ECT2L: variants seen among roughly 807,000 people sequenced by gnomAD.
ECT2L encodes epithelial cell-transforming sequence 2 oncogene-like.
In ECT2L, 126 loss-of-function variants were observed where a neutral mutation model predicts 122.8. The observed-to-expected ratio is 1.03, with a 90% CI of 0.89 to 1.19. ECT2L has a LOEUF of 1.19. ECT2L is among the 50% of genes most tolerant of loss of function. The pLI, the probability that ECT2L is intolerant of heterozygous loss-of-function variation, is 0.00. For synonymous variants in ECT2L, 385 were observed against 381.8 expected (o/e 1.01, Z -0.10); for missense variants, 1,012 against 1,064.1 (o/e 0.95, Z 0.68).
rs1454038891 is a variant in ECT2L, at chr6:138,903,564, T to C, written c.*937T>C. 4.6e-5 allele frequency: 7 copies of C among 152,292 alleles called. 1 individual carries two copies. The Middle Eastern group carries it at 0.014, about 296-fold the overall frequency. 9.4% of individuals were successfully genotyped at this position (152,292 alleles called of 1,614,324 possible). ...GAAGCTTTAACAAATATTTTTGACA[T>C]TGTTAAATTAGAAGGCTATTTTTAA... On this transcript the variant is annotated 3_prime_UTR_variant, in exon 22 of 22. Transcript: ENST00000541398.
intron 10 of ECT2L, among the ~76,000 whole-genome samples, chr6:138,858,103 T>C (rs1184617408): frequency 6.6e-6 from 1 of 152,128 alleles, no homozygotes; most frequent in Non-Finnish European, 1.5e-5. Flanking sequence ...TGAGGATTAT[T>C]ACAATTCAAG....
chr6:138,860,241 CTA>C (rs1777775949), intron 10 of ECT2L, among the ~76,000 whole-genome samples: 1 of 151,908 alleles, frequency 6.6e-6, no homozygotes, highest in South Asian at 2.1e-4. Flanking sequence ...AGATTTTCTC[CTA>C]TGTTTTTTCT....
intron 13 of ECT2L, among the ~76,000 whole-genome samples, chr6:138,869,752 T>A (rs1305489878): frequency 6.6e-6 from 1 of 152,174 alleles, no homozygotes; most frequent in Non-Finnish European, 1.5e-5. Flanking sequence ...GGGAACCAAA[T>A]TTGAGAGCCC....
chr6:138,877,578 C>A (rs1030423772), intron 14 of ECT2L, among the ~76,000 whole-genome samples: 6 of 152,046 alleles, frequency 3.9e-5, no homozygotes, highest in African/African-American at 1.4e-4. Flanking sequence ...AAGTAGGATG[C>A]AGATGTATTT....
chr6:138,876,459 A>C lies in ECT2L; in HGVS notation c.1579-13A>C. Reference sequence around the variant, plus strand: ...ACCTGCCTCCAATAACCAAGTTTCCATTCAATCTTCAGGAAAGAAATGTTG... The same window carrying C: ...ACCTGCCTCCAATAACCAAGTTTCCCTTCAATCTTCAGGAAAGAAATGTTG... On this transcript the variant is annotated splice_polypyrimidine_tract_variant and intron_variant, in intron 13 of 21. Coordinates refer to ENST00000541398, the MANE Select transcript of ECT2L (RefSeq NM_001077706.3). The C allele has an allele frequency of 6.3e-7, 1 of 1,598,122 alleles. No individual in the cohort carries two copies. The highest frequency in any genetic ancestry group is 8.6e-7 in the Non-Finnish European group (1 of 1,166,296).
intron 10 of ECT2L, among the ~76,000 whole-genome samples, chr6:138,860,068 G>A (rs1000806215): frequency 5.3e-5 from 8 of 152,006 alleles, no homozygotes; most frequent in African/African-American, 1.7e-4. Flanking sequence ...CAGGTGATCT[G>A]CCCACCTTGG....
intron 16 of ECT2L, among the ~76,000 whole-genome samples, chr6:138,883,682 A>G (rs527432338): frequency 6.6e-6 from 1 of 152,336 alleles, no homozygotes; most frequent in East Asian, 1.9e-4. Context: ...TGATGATTCA[A>G]AAGTTACATA....
At chr6:138,808,410 A>G (rs1271606357) in intron 1 of ECT2L, among the ~76,000 whole-genome samples, 1 of 151,990 alleles carries the variant, frequency 6.6e-6, no homozygotes, top group East Asian at 1.9e-4. Context: ...ATTCCTGGCT[A>G]ATTTTCTTTA....
In ECT2L at chr6:138,797,497, C is replaced by T. The variant is rs969974350; in HGVS notation, c.-244+1305C>T. On this transcript the variant is annotated intron_variant, in intron 1 of 21. Transcript: ENST00000541398. ...AAGGACCAGACTAACTTGCATTTCT[C>T]CAGCTGTATAACAGATAACCTGTGG... 4.1e-4 allele frequency among the ~76,000 whole-genome samples: 62 copies of T among 152,152 alleles called. 1 individual carries two copies. Among genetic ancestry groups the T allele is most frequent in the Admixed American group, 1.3e-4 (2 of 15,278 alleles).
chr6:138,867,032 T>TG (rs1778065724), intron 12 of ECT2L, among the ~76,000 whole-genome samples: 2 of 151,580 alleles, frequency 1.3e-5, no homozygotes, highest in South Asian at 4.2e-4. Context: ...TGAGATCGCG[T>TG]CACTGCACTC....
chr6:138,873,467 G>C lies in ECT2L; in HGVS notation c.1579-3005G>C, dbSNP rs143268974. On this transcript the variant is annotated intron_variant, in intron 13 of 21. Coordinates refer to ENST00000541398, the MANE Select transcript of ECT2L (RefSeq NM_001077706.3). ...CAGAAGCCTCAGGAGACAAAGGAGG[G>C]GAAAATGAAAGCTTCTCTGAGATAA... is the stretch of plus-strand genomic sequence containing the variant. 2.7e-3 allele frequency among the ~76,000 whole-genome samples: 408 copies of C among 152,316 alleles called. 2 individuals are homozygous for C. The highest frequency in any genetic ancestry group is 9.1e-3 in the African/African-American group (380 of 41,582).
chr6:138,846,712 T>C (rs1777235163), intron 8 of ECT2L, 35 bp downstream of exon 8: 1 of 1,423,282 alleles, frequency 7.0e-7, no homozygotes. Context: ...CTGTCCTGAT[T>C]GTTTTTTTGT....
In ECT2L at chr6:138,887,227, TAA is replaced by T. The variant is rs1491484748; in HGVS notation, c.2325+306_2325+307del. On this transcript the variant is annotated intron_variant, in intron 19 of 21. Transcript: ENST00000541398. ...TGTGTTCTACTTGTTTTCTTTTCTT[TAA>T]TTTTTTTTTTTTTTTGAGACCGAGT... Among the ~76,000 whole-genome samples the T allele has an allele frequency of 8.2e-4, 102 of 124,392 alleles. 3 individuals carry two copies. The highest frequency in any genetic ancestry group is 3.8e-3 in the African/African-American group (94 of 24,422). The allele number at this position is 124,392 out of a possible 152,430, so 81.6% of individuals were successfully genotyped here. A position where few individuals can be genotyped will look rare whatever the true frequency, so the allele number is the denominator to read the frequency against.
At chr6:138,872,429 C>T (rs73778421) in intron 13 of ECT2L, among the ~76,000 whole-genome samples, 8,335 of 152,280 alleles carry the variant, frequency 0.055, 263 homozygotes, top group South Asian at 0.088. Flanking sequence ...ATGATTAGCA[C>T]CTGTTAACAG....
intron 10 of ECT2L, 107 bp downstream of exon 10, chr6:138,854,261 G>A (rs953366591): frequency 8.4e-6 from 11 of 1,313,770 alleles, no homozygotes; most frequent in South Asian, 7.4e-5. Flanking sequence ...CACATTTCAC[G>A]CTTCAATTTC....
intron 11 of ECT2L, among the ~76,000 whole-genome samples, chr6:138,862,943 C>T (rs528900774): frequency 9.8e-5 from 15 of 152,316 alleles, no homozygotes; most frequent in African/African-American, 3.6e-4. Flanking sequence ...CCCAAATCAT[C>T]ATTTTCAAAA....
At chr6:138,885,271 G>A (rs1037622489) in intron 16 of ECT2L, among the ~76,000 whole-genome samples, 2 of 151,752 alleles carry the variant, frequency 1.3e-5, no homozygotes, top group African/African-American at 2.4e-5. Flanking sequence ...CTCGTGATCC[G>A]CCTGCCTCCG....
intron 3 of ECT2L, 57 bp from the exon 4 acceptor site, chr6:138,814,434 G>A: frequency 9.3e-7 from 1 of 1,071,958 alleles, no homozygotes; most frequent in African/African-American, 1.6e-5. Context: ...AGATTGCTTA[G>A]CAATTAAAAA....
In ECT2L at chr6:138,846,627, G is replaced by T. The variant is rs751149387; in HGVS notation, c.853G>T (p.Ala285Ser). The change falls in exon 8 of 22, where the codon GCT becomes TCT. Residue 285 changes from alanine to serine, a missense_variant. By Grantham distance (99) the Ala-to-Ser change is moderately conservative. Coordinates refer to ENST00000541398, the MANE Select transcript of ECT2L (RefSeq NM_001077706.3). Reference sequence around the variant, plus strand: ...TAAAAATGATGACAGATCTTCATATGCTCTCCGGCCACACTTCATGTTAAT... The same window carrying T: ...TAAAAATGATGACAGATCTTCATATTCTCTCCGGCCACACTTCATGTTAAT... ...VHKNDDRSSY[A>S]LRPHFMLISS... 8 of 1,610,780 alleles carry T rather than the reference G, an allele frequency of 5.0e-6. No homozygotes were observed. The South Asian group carries it at 8.9e-5, about 18-fold the overall frequency.
Sources: allele counts gnomAD v4.1 joint callset (sites outside exome capture counted in the v4.1 genomes callset), GRCh38; gene constraint gnomAD v4.1.1; transcripts MANE v1.5; gene names NCBI Gene and HGNC (gene_info 2026-07-23, HGNC 2026-07-21).